Variants in THSD4 observed in about 807,000 individuals in gnomAD.
THSD4 encodes the protein thrombospondin type-1 domain-containing protein 4.
In THSD4, 69 loss-of-function variants were observed where a neutral mutation model predicts 119.0. The ratio of observed to expected loss-of-function variants is 0.58; its 90% CI spans 0.48 to 0.71. The LOEUF (loss-of-function observed/expected upper bound fraction) is 0.71. Among genes scored for constraint, THSD4 ranks in the 30% least tolerant of loss-of-function variants. The pLI, the probability that THSD4 is intolerant of heterozygous loss-of-function variation, is 0.00. For missense variants in THSD4, 1,393 were observed against 1,391.1 expected, an observed-to-expected ratio of 1.00 and a Z score of -0.02; for synonymous variants, 524 against 540.4, an observed-to-expected ratio of 0.97 and a Z score of 0.42.
chr15:71,339,331 C>A (rs1311278074), intron 6 of THSD4, among the ~76,000 whole-genome samples: 14 of 152,076 alleles, frequency 9.2e-5, no homozygotes, highest in Admixed American at 9.2e-4. Context: ...ACTCATCCTT[C>A]CAAACCCCCA....
At chr15:71,317,856 A>C (rs1348265420) in intron 6 of THSD4, among the ~76,000 whole-genome samples, 8 of 152,236 alleles carry the variant, frequency 5.3e-5, no homozygotes, top group African/African-American at 1.9e-4. Context: ...CATAATACCT[A>C]CCTTCATAGA....
In THSD4 at chr15:71,215,123, C is replaced by T; in HGVS notation, c.188C>T (p.Ser63Leu). The T allele has an allele frequency of 2.2e-6, 3 of 1,360,836 alleles. No individual in the cohort carries two copies. The highest frequency in any genetic ancestry group is 1.9e-6 in the Non-Finnish European group (2 of 1,052,252). The allele number at this position is 1,360,836 out of a possible 1,614,324, so 84.3% of individuals were successfully genotyped here. The change falls in exon 4 of 18, where the codon TCG becomes TTG. Residue 63 changes from serine (S) to leucine (L), a missense_variant. Transcript: ENST00000261862. ...PGVWGAWGPW[S>L]ACSRSCSGGV... ...GTGTGGGGCGCCTGGGGCCCCTGGT[C>T]GGCCTGCTCGCGTAGCTGCAGCGGC...
intron 8 of THSD4, among the ~76,000 whole-genome samples, chr15:71,715,637 T>C (rs2052592301): frequency 6.6e-6 from 1 of 152,082 alleles, no homozygotes; most frequent in Non-Finnish European, 1.5e-5. Flanking sequence ...GAAAGAACTA[T>C]CCTATGTTGG....
chr15:71,226,512 C>T (rs1218642000), intron 4 of THSD4, among the ~76,000 whole-genome samples: 2 of 152,230 alleles, frequency 1.3e-5, no homozygotes, highest in Non-Finnish European at 2.9e-5. Flanking sequence ...CTGTCCCTGG[C>T]TGCAGGTAGG....
intron 6 of THSD4, among the ~76,000 whole-genome samples, chr15:71,378,546 A>G (rs2046181473): frequency 6.6e-6 from 1 of 152,370 alleles, no homozygotes; most frequent in African/African-American, 2.4e-5. Context: ...TTCAATGAGA[A>G]CACAGGTAGG....
chr15:71,318,298 T>G (rs916885354), intron 6 of THSD4, among the ~76,000 whole-genome samples: 3 of 152,046 alleles, frequency 2.0e-5, no homozygotes, highest in African/African-American at 7.2e-5. Context: ...GCCCCCAGAA[T>G]GAAGGCCGAG....
chr15:71,285,807 T>G (rs911982595), intron 6 of THSD4, among the ~76,000 whole-genome samples: 1 of 125,062 alleles, frequency 8.0e-6, no homozygotes, highest in African/African-American at 3.1e-5. Context: ...TGAGCCGAAA[T>G]TGTGCTACTG....
chr15:71,380,158 A>G (rs1384084703), intron 6 of THSD4, among the ~76,000 whole-genome samples: 2 of 152,112 alleles, frequency 1.3e-5, no homozygotes, highest in Non-Finnish European at 1.5e-5. Context: ...CAGTTATGTA[A>G]GGACTCAAGT....
chr15:71,228,794 C>T (rs2044038093), intron 4 of THSD4, among the ~76,000 whole-genome samples: 3 of 152,184 alleles, frequency 2.0e-5, no homozygotes, highest in South Asian at 2.1e-4. Context: ...GCCTTCCTTT[C>T]CCCATTTATG....
At chr15:71,748,984 G>A (rs2053394843) in intron 14 of THSD4, among the ~76,000 whole-genome samples, 1 of 152,344 alleles carries the variant, frequency 6.6e-6, no homozygotes, top group East Asian at 1.9e-4. Context: ...CTCCCCAGTA[G>A]CCTGGCCTCC....
intron 7 of THSD4, among the ~76,000 whole-genome samples, chr15:71,594,704 C>T (rs189221867): frequency 2.0e-5 from 3 of 152,296 alleles, no homozygotes; most frequent in East Asian, 1.9e-4. Context: ...CTCCATGTAT[C>T]GAACAAGCAT....
At chr15:71,745,801 C>T (rs924917511) in intron 12 of THSD4, among the ~76,000 whole-genome samples, 30 of 152,176 alleles carry the variant, frequency 2.0e-4, no homozygotes, top group Non-Finnish European at 3.7e-4. Context: ...CACATTACCA[C>T]GCCTGGCTAA....
chr15:71,506,469 C>T (rs12595185), intron 7 of THSD4, among the ~76,000 whole-genome samples: 48 of 152,120 alleles, frequency 3.2e-4, no homozygotes, highest in Non-Finnish European at 6.3e-4. Flanking sequence ...GAGACTGACT[C>T]TACCCCGTAA....
intron 7 of THSD4, among the ~76,000 whole-genome samples, chr15:71,534,996 C>T (rs2048669612): frequency 6.6e-6 from 1 of 152,288 alleles, no homozygotes; most frequent in South Asian, 2.1e-4. Context: ...ATAATTTATA[C>T]ATCATCCAAT....
chr15:71,711,072 A>AATATATATATATGTATATATATATACGT (rs3086741), intron 8 of THSD4, among the ~76,000 whole-genome samples: 1 of 147,844 alleles, frequency 6.8e-6, no homozygotes, highest in African/African-American at 2.5e-5. Flanking sequence ...TTGAAAGCAA[A>AATATATATATATGTATATATATATACGT]ATATATATAT....
At chr15:71,608,011 C>T (rs2050141410) in intron 7 of THSD4, among the ~76,000 whole-genome samples, 1 of 152,028 alleles carries the variant, frequency 6.6e-6, no homozygotes, top group Non-Finnish European at 1.5e-5. Context: ...ATCACGAGGT[C>T]AGGAGTTCAA....
intron 11 of THSD4, among the ~76,000 whole-genome samples, chr15:71,744,404 A>G (rs1419261835): frequency 6.6e-6 from 1 of 152,172 alleles, no homozygotes; most frequent in Non-Finnish European, 1.5e-5. Flanking sequence ...TCACGGTCTC[A>G]TGGGAAGTAG....
At chr15:71,474,200 T>G (rs1324745568) in intron 7 of THSD4, among the ~76,000 whole-genome samples, 5 of 151,166 alleles carry the variant, frequency 3.3e-5, no homozygotes, top group Non-Finnish European at 5.9e-5. Context: ...CAGCACATAT[T>G]GTTTGGCATC....
intron 6 of THSD4, among the ~76,000 whole-genome samples, chr15:71,286,313 C>A (rs943518605): frequency 3.9e-5 from 6 of 152,190 alleles, no homozygotes; most frequent in African/African-American, 9.7e-5. Flanking sequence ...CCTCCTCCCA[C>A]CCTCTGCCCT....
Sources: gnomAD v4.1 joint callset for allele counts (sites outside exome capture counted in the v4.1 genomes callset) on GRCh38, gnomAD v4.1.1 for gene constraint, MANE v1.5 for transcripts, NCBI Gene and HGNC (gene_info 2026-07-23, HGNC 2026-07-21) for gene names.